The following FBXL17 variants were observed in gnomAD, a reference collection of about 807,000 sequenced individuals.
FBXL17 encodes F-box and leucine rich repeat protein 17, also known as F-box/LRR-repeat protein 17.
In FBXL17, 22 loss-of-function variants were observed where a neutral mutation model predicts 66.2. The ratio of observed to expected loss-of-function variants is 0.33; its 90% CI spans 0.24 to 0.47. The LOEUF (loss-of-function observed/expected upper bound fraction) is 0.47. Among genes scored for constraint, FBXL17 ranks in the 20% least tolerant of loss-of-function variants. The pLI, the probability that FBXL17 is intolerant of heterozygous loss-of-function variation, is 1.00. For synonymous variants in FBXL17, 474 were observed against 400.5 expected (o/e 1.18, Z -2.19); for missense variants, 878 against 948.2 (o/e 0.93, Z 0.97).
chr5:108,037,688 C>T (rs1746897987), intron 6 of FBXL17, among the ~76,000 whole-genome samples: 2 of 152,074 alleles, frequency 1.3e-5, no homozygotes, highest in Non-Finnish European at 2.9e-5. Context: ...TCTCACATTC[C>T]TTATTTTTAC....
chr5:108,192,793 A>AAAAG (rs566033976), intron 5 of FBXL17, among the ~76,000 whole-genome samples: 55 of 152,278 alleles, frequency 3.6e-4, no homozygotes, highest in South Asian at 1.5e-3. Context: ...TGAAAGCAAG[A>AAAAG]AAAGAAAGAA....
chr5:107,943,368 G>A (rs1406345110), intron 7 of FBXL17, among the ~76,000 whole-genome samples: 1 of 151,882 alleles, frequency 6.6e-6, no homozygotes, highest in Non-Finnish European at 1.5e-5. Flanking sequence ...CTATTCCTAG[G>A]TTTACCACCT....
chr5:108,278,715 G>T (rs1384376545), intron 4 of FBXL17, among the ~76,000 whole-genome samples: 1 of 152,168 alleles, frequency 6.6e-6, no homozygotes, highest in Non-Finnish European at 1.5e-5. Context: ...TGGCCACTAG[G>T]TTTGACCCCA....
intron 8 of FBXL17, chr5:107,878,270 G>T (rs1332778008): frequency 3.2e-6 from 3 of 945,390 alleles, no homozygotes; most frequent in Non-Finnish European, 3.8e-6. Flanking sequence ...CTTTCAAAAT[G>T]GGATAGTAGG....
chr5:108,201,389 G>A (rs777008222), intron 5 of FBXL17, among the ~76,000 whole-genome samples: 9 of 152,226 alleles, frequency 5.9e-5, no homozygotes, highest in Middle Eastern at 3.4e-3. Flanking sequence ...GTGGCTGATT[G>A]TGGTAGACAA....
intron 4 of FBXL17, among the ~76,000 whole-genome samples, chr5:108,242,919 C>T (rs774057614): frequency 3.9e-5 from 6 of 152,110 alleles, no homozygotes; most frequent in Non-Finnish European, 7.4e-5. Flanking sequence ...TTTTAAATCT[C>T]ATTAAAATTT....
At chr5:108,179,408 T>C (rs565499542) in intron 6 of FBXL17, among the ~76,000 whole-genome samples, 8 of 152,046 alleles carry the variant, frequency 5.3e-5, no homozygotes, top group Non-Finnish European at 1.2e-4. Flanking sequence ...TTCACCTCAA[T>C]ATACCTAAAA....
chr5:108,064,127 T>C (rs1431163909), intron 6 of FBXL17, among the ~76,000 whole-genome samples: 1 of 152,142 alleles, frequency 6.6e-6, no homozygotes, highest in Non-Finnish European at 1.5e-5. Context: ...AAAAATGAAA[T>C]AGCTTCTGAC....
At chr5:108,059,552 G>C (rs1747841018) in intron 6 of FBXL17, among the ~76,000 whole-genome samples, 1 of 152,180 alleles carries the variant, frequency 6.6e-6, no homozygotes, top group Non-Finnish European at 1.5e-5. Context: ...AGGGCCACCA[G>C]GTGGAAGGCT....
intron 4 of FBXL17, among the ~76,000 whole-genome samples, chr5:108,239,598 G>C (rs1253571061): frequency 6.6e-6 from 1 of 152,122 alleles, no homozygotes; most frequent in Non-Finnish European, 1.5e-5. Flanking sequence ...AAGTGCTCTG[G>C]GGTTCTAAAT....
intron 8 of FBXL17, among the ~76,000 whole-genome samples, chr5:107,866,592 T>C (rs1748283191): frequency 6.6e-6 from 1 of 152,228 alleles, no homozygotes; most frequent in South Asian, 2.1e-4. Context: ...ACAGTCCCTT[T>C]ATTAATTTCC....
chr5:108,302,313 T>C (rs149867668), intron 4 of FBXL17, among the ~76,000 whole-genome samples: 119 of 151,854 alleles, frequency 7.8e-4, no homozygotes, highest in Admixed American at 2.0e-3. Context: ...AAAAAAAGGG[T>C]GGGAGGGTTC....
intron 4 of FBXL17, 111 bp downstream of exon 4, chr5:108,348,288 T>C: frequency 1.1e-6 from 1 of 911,684 alleles, no homozygotes; most frequent in Non-Finnish European, 1.6e-6. Flanking sequence ...TTTGATTAAG[T>C]AGTATTTGAA....
At chr5:108,241,558 A>G (rs1755855726) in intron 4 of FBXL17, among the ~76,000 whole-genome samples, 1 of 152,208 alleles carries the variant, frequency 6.6e-6, no homozygotes, top group Non-Finnish European at 1.5e-5. Flanking sequence ...AAGTAGAGAG[A>G]GAGAGCAGTA....
At chr5:108,022,271 C>A (rs1754632999) in intron 6 of FBXL17, among the ~76,000 whole-genome samples, 1 of 151,758 alleles carries the variant, frequency 6.6e-6, no homozygotes, top group African/African-American at 2.4e-5. Flanking sequence ...AACAGCAACA[C>A]AATGCAATTA....
intron 8 of FBXL17, chr5:107,878,576 C>G: frequency 3.1e-6 from 3 of 979,462 alleles, no homozygotes; most frequent in Non-Finnish European, 3.6e-6. Context: ...CTCCGCAGAC[C>G]ATACCGTTGC....
At chr5:107,890,506 A>T (rs1454420621) in intron 7 of FBXL17, among the ~76,000 whole-genome samples, 1 of 151,016 alleles carries the variant, frequency 6.6e-6, no homozygotes, top group South Asian at 2.1e-4. Context: ...TACAAAAAAT[A>T]AAAAAAAATA....
intron 4 of FBXL17, chr5:108,299,641 TA>T: frequency 2.1e-6 from 2 of 971,894 alleles, no homozygotes. Context: ...CAAAAAATAA[TA>T]AAAATTAAAA....
intron 7 of FBXL17, among the ~76,000 whole-genome samples, chr5:107,917,070 T>G (rs1416702368): frequency 1.3e-5 from 2 of 152,228 alleles, no homozygotes; most frequent in African/African-American, 4.8e-5. Context: ...AAGTTCACTT[T>G]GTAAACCTTG....
Sources: gnomAD v4.1 joint callset for allele counts (sites outside exome capture counted in the v4.1 genomes callset) on GRCh38, gnomAD v4.1.1 for gene constraint, MANE v1.5 for transcripts, NCBI Gene and HGNC (gene_info 2026-07-23, HGNC 2026-07-21) for gene names.